The following CTNNA3 variants were observed in gnomAD, a reference collection of about 807,000 sequenced individuals.
CTNNA3 encodes the protein catenin alpha 3, also known as catenin alpha-3.
In CTNNA3, 76 loss-of-function variants were observed where a neutral mutation model predicts 95.7. That is an observed-to-expected ratio of 0.79 (90% confidence interval 0.66 to 0.96). The LOEUF (loss-of-function observed/expected upper bound fraction) is 0.96. CTNNA3 is among the 40% of genes least tolerant of loss of function. The pLI is 0.00. For missense variants in CTNNA3, 1,191 were observed against 1,089.8 expected, an observed-to-expected ratio of 1.09 and a Z score of -1.31; for synonymous variants, 431 against 374.4, an observed-to-expected ratio of 1.15 and a Z score of -1.74.
At chr10:67,443,852 C>T (rs6480259) in intron 5 of CTNNA3, among the ~76,000 whole-genome samples, 126,488 of 151,812 alleles carry the variant, frequency 0.83, 54,498 homozygotes, top group Non-Finnish European at 0.95. Flanking sequence ...TTTGGTGTTT[C>T]AGACATGAAG....
At chr10:66,949,456 G>A (rs1848429221) in intron 7 of CTNNA3, among the ~76,000 whole-genome samples, 1 of 152,118 alleles carries the variant, frequency 6.6e-6, no homozygotes, top group East Asian at 1.9e-4. Context: ...TACTTGGGAG[G>A]CTGAGGCAGG....
At chr10:66,435,642 T>C (rs533921033) in intron 11 of CTNNA3, among the ~76,000 whole-genome samples, 3 of 152,328 alleles carry the variant, frequency 2.0e-5, no homozygotes, top group Admixed American at 6.5e-5. Flanking sequence ...CCTGGATTCA[T>C]TGATTTTTTG....
At chr10:67,467,737 G>A (rs1330932816) in intron 5 of CTNNA3, among the ~76,000 whole-genome samples, 1 of 151,318 alleles carries the variant, frequency 6.6e-6, no homozygotes. Flanking sequence ...TTTTGAGATG[G>A]GGCCTCACTG....
chr10:66,512,441 T>C lies in CTNNA3; in HGVS notation c.1531+8176A>G, dbSNP rs374503013. ...TGTTTTGTAATTGCTCTGTATAGCCTTAGTTCCTTTCTTCTTTTATTATTT... is the reference window on the plus strand; with the variant it reads ...TGTTTTGTAATTGCTCTGTATAGCCCTAGTTCCTTTCTTCTTTTATTATTT... On this transcript the variant is annotated intron_variant, in intron 11 of 17. Coordinates refer to ENST00000433211, the MANE Select transcript of CTNNA3 (RefSeq NM_013266.4). 3.8e-4 allele frequency among the ~76,000 whole-genome samples: 58 copies of C among 152,236 alleles called. 1 individual carries two copies. The South Asian group carries it at 0.012, about 31-fold the overall frequency.
At chr10:66,892,052 A>C (rs1197616886) in intron 7 of CTNNA3, among the ~76,000 whole-genome samples, 1 of 152,164 alleles carries the variant, frequency 6.6e-6, no homozygotes, top group African/African-American at 2.4e-5. Context: ...CACTAAATAA[A>C]AAACCAAAAC....
Position 66,980,376 on chromosome 10 carries a change from A to G in CTNNA3, c.1047+199941T>C, listed in dbSNP as rs535178005. Among the ~76,000 whole-genome samples the G allele has an allele frequency of 7.9e-5, 12 of 152,292 alleles. No homozygotes were observed. In the East Asian group the frequency reaches 2.1e-3, roughly 27 times the overall value. On this transcript the variant is annotated intron_variant, in intron 7 of 17. Transcript: ENST00000433211. ...CTGCTTGCTCTGTTAGCAGCAAACT[A>G]TATAGGGAAGCCATCTTCTGGCTCA...
At chr10:66,305,552 G>A (rs1328893347) in intron 12 of CTNNA3, among the ~76,000 whole-genome samples, 3 of 152,168 alleles carry the variant, frequency 2.0e-5, no homozygotes, top group Non-Finnish European at 4.4e-5. Context: ...TCAACTGAAA[G>A]TAAACATATA....
At chr10:66,874,762 A>T (rs1163042766) in intron 7 of CTNNA3, among the ~76,000 whole-genome samples, 4 of 152,204 alleles carry the variant, frequency 2.6e-5, no homozygotes, top group African/African-American at 9.6e-5. Context: ...TACTAGACTG[A>T]CAAGGTTCTG....
At chr10:66,728,647 T>C (rs1047263298) in intron 9 of CTNNA3, among the ~76,000 whole-genome samples, 25 of 152,166 alleles carry the variant, frequency 1.6e-4, no homozygotes, top group African/African-American at 5.5e-4. Context: ...TGGAGTGCAG[T>C]GGTGCAACCT....
chr10:67,514,104 G>T (rs1564706524), intron 5 of CTNNA3, among the ~76,000 whole-genome samples: 1 of 152,070 alleles, frequency 6.6e-6, no homozygotes, highest in Non-Finnish European at 1.5e-5. Context: ...TTCAAGACCA[G>T]CCTGGGCAAC....
chr10:66,614,267 G>A (rs922299837), intron 10 of CTNNA3, among the ~76,000 whole-genome samples: 2 of 152,012 alleles, frequency 1.3e-5, no homozygotes, highest in African/African-American at 4.8e-5. Flanking sequence ...AAACAAAGAA[G>A]GAAGGGGAAT....
At chr10:67,222,410 G>A (rs1864704696) in intron 5 of CTNNA3, among the ~76,000 whole-genome samples, 1 of 152,176 alleles carries the variant, frequency 6.6e-6, no homozygotes, top group Non-Finnish European at 1.5e-5. Flanking sequence ...CTTTCTATCT[G>A]TAAAAATGGG....
rs117367133 is a variant in CTNNA3 at position 67,694,125 on chromosome 10, T to A, written c.-6+1875A>T. Among the ~76,000 whole-genome samples, 505 of 152,332 alleles carry A rather than the reference T, an allele frequency of 3.3e-3. 2 individuals carry two copies. The highest frequency in any genetic ancestry group is 6.1e-3 in the Non-Finnish European group (415 of 68,004). On this transcript the variant is annotated intron_variant, in intron 1 of 17. Transcript: ENST00000433211. ...CTACATGGTCTTCTAATAAAGTTAC[T>A]TATACATTCTGTTATTTTCATGTGC...
intron 5 of CTNNA3, among the ~76,000 whole-genome samples, chr10:67,408,681 G>T (rs1386146540): frequency 6.6e-6 from 1 of 152,006 alleles, no homozygotes; most frequent in Non-Finnish European, 1.5e-5. Context: ...CACAGGCAAA[G>T]ATTTCATGAT....
chr10:67,702,264 C>A (rs1206157526), intron 1 of CTNNA3, among the ~76,000 whole-genome samples: 1 of 152,072 alleles, frequency 6.6e-6, no homozygotes, highest in Admixed American at 6.6e-5. Context: ...CTCAGCTCTG[C>A]ACCAAGCGGA....
chr10:66,684,337 C>T (rs763579074), intron 9 of CTNNA3, among the ~76,000 whole-genome samples: 4 of 152,068 alleles, frequency 2.6e-5, no homozygotes, highest in East Asian at 1.9e-4. Flanking sequence ...TGAGAATACA[C>T]GTGCTAAACT....
intron 7 of CTNNA3, among the ~76,000 whole-genome samples, chr10:67,117,580 T>A (rs1302006951): frequency 6.6e-6 from 1 of 152,120 alleles, no homozygotes; most frequent in South Asian, 2.1e-4. Context: ...TTTCAGAAAA[T>A]ACCTGGGAGA....
At chr10:66,010,125 T>G (rs548133687) in intron 15 of CTNNA3, among the ~76,000 whole-genome samples, 1 of 137,168 alleles carries the variant, frequency 7.3e-6, no homozygotes, top group African/African-American at 2.7e-5. Flanking sequence ...AAATAGGCAG[T>G]GAATGATTAT....
intron 6 of CTNNA3, among the ~76,000 whole-genome samples, chr10:67,206,936 G>C (rs1454979201): frequency 6.6e-6 from 1 of 152,040 alleles, no homozygotes; most frequent in African/African-American, 2.4e-5. Flanking sequence ...TTCGAGACCA[G>C]CTAAGCCAAC....
Sources: allele counts gnomAD v4.1 joint callset (sites outside exome capture counted in the v4.1 genomes callset), GRCh38; gene constraint gnomAD v4.1.1; transcripts MANE v1.5; gene names NCBI Gene and HGNC (gene_info 2026-07-23, HGNC 2026-07-21).